Variants in ZEB2 observed in about 807,000 individuals in gnomAD.
ZEB2 encodes the protein zinc finger E-box binding homeobox 2, also known as zinc finger E-box-binding homeobox 2.
Under a neutral mutation model 99.9 loss-of-function variants are expected in ZEB2, and 6 were observed. That is an observed-to-expected ratio of 0.06 (90% CI 0.03 to 0.12). The LOEUF (loss-of-function observed/expected upper bound fraction) is 0.12, where lower values mean the gene tolerates loss of function less well. Among genes scored for constraint, ZEB2 ranks in the 10% least tolerant of loss-of-function variants. ZEB2 has a pLI of 1.00. For synonymous variants in ZEB2, 517 were observed against 542.5 expected (o/e 0.95, Z 0.65); for missense variants, 969 against 1,502.8 (o/e 0.64, Z 5.87).
Position 144,482,460 on chromosome 2 carries a change from A to C in ZEB2, c.73+34818T>G, listed in dbSNP as rs1194358915. Reference sequence around the variant, plus strand: ...TCTAACCATGTTAATTTCCTTTCTCATAATCCAAATGTGTTGAGCCTGTCG... The same window carrying C: ...TCTAACCATGTTAATTTCCTTTCTCCTAATCCAAATGTGTTGAGCCTGTCG... On this transcript the variant is annotated intron_variant, in intron 2 of 9. Coordinates refer to ENST00000627532, the MANE Select transcript of ZEB2 (RefSeq NM_014795.4). 3 of 152,136 alleles carry C rather than the reference A, an allele frequency of 2.0e-5. No individual in the cohort carries two copies. In the East Asian group the frequency reaches 5.8e-4, roughly 29 times the overall value. 9.4% of individuals were successfully genotyped at this position (152,136 alleles called of 1,614,324 possible). A position where few individuals can be genotyped will look rare whatever the true frequency, so the allele number is the denominator to read the frequency against.
At chr2:144,438,928 A>G (rs1361232165) in intron 2 of ZEB2, among the ~76,000 whole-genome samples, 1 of 152,146 alleles carries the variant, frequency 6.6e-6, no homozygotes, top group Non-Finnish European at 1.5e-5. Flanking sequence ...TGAAAGGGAC[A>G]GTGACATGGC....
intron 2 of ZEB2, among the ~76,000 whole-genome samples, chr2:144,457,482 T>G (rs887118372): frequency 6.6e-6 from 1 of 151,944 alleles, no homozygotes; most frequent in African/African-American, 2.4e-5. Context: ...TTTAACAGAG[T>G]ATGGTGGTGT....
intron 2 of ZEB2, among the ~76,000 whole-genome samples, chr2:144,471,847 A>G (rs1704360654): frequency 6.6e-6 from 1 of 151,634 alleles, no homozygotes; most frequent in Admixed American, 6.6e-5. Context: ...TTCAGTGCAC[A>G]GTGGATATAT....
intron 2 of ZEB2, among the ~76,000 whole-genome samples, chr2:144,458,147 C>A (rs1181387160): frequency 3.9e-5 from 6 of 151,944 alleles, no homozygotes; most frequent in African/African-American, 1.5e-4. Context: ...CATACACACA[C>A]AAACACACAC....
intron 2 of ZEB2, among the ~76,000 whole-genome samples, chr2:144,492,615 A>C (rs1276159726): frequency 2.6e-5 from 4 of 152,208 alleles, no homozygotes; most frequent in Non-Finnish European, 4.4e-5. Context: ...GAGCACCCAC[A>C]CTGCCTCTCT....
chr2:144,420,138 C>T (rs1286010388), intron 4 of ZEB2, among the ~76,000 whole-genome samples: 1 of 152,206 alleles, frequency 6.6e-6, no homozygotes, highest in African/African-American at 2.4e-5. Context: ...GCCATGTGTG[C>T]TCCCTGCTAT....
chr2:144,489,664 C>A (rs1293339765), intron 2 of ZEB2, among the ~76,000 whole-genome samples: 1 of 152,240 alleles, frequency 6.6e-6, no homozygotes. Flanking sequence ...GGGTAGCCAT[C>A]CGTTTCCTTT....
intron 4 of ZEB2, among the ~76,000 whole-genome samples, chr2:144,421,630 T>C (rs1309876676): frequency 6.6e-6 from 1 of 152,102 alleles, no homozygotes; most frequent in Non-Finnish European, 1.5e-5. Flanking sequence ...TTCTGAATGT[T>C]TAATTTTTTT....
chr2:144,517,164 G>C, intron 2 of ZEB2, 114 bp downstream of exon 2: 2 of 1,400,860 alleles, frequency 1.4e-6, no homozygotes, highest in Admixed American at 1.8e-5. Context: ...TCGCCCTAGA[G>C]CCCTGGGCGC....
intron 2 of ZEB2, among the ~76,000 whole-genome samples, chr2:144,498,315 T>C (rs1406819711): frequency 6.7e-6 from 1 of 150,094 alleles, no homozygotes; most frequent in Non-Finnish European, 1.5e-5. Flanking sequence ...CTCTAACCCT[T>C]GTGACCCCTT....
At chr2:144,405,893 ATAAG>A (rs1237682267) in intron 4 of ZEB2, among the ~76,000 whole-genome samples, 1 of 152,234 alleles carries the variant, frequency 6.6e-6, no homozygotes, top group East Asian at 1.9e-4. Context: ...TGTTTCTGAA[ATAAG>A]ATGTGGCTTA....
At chr2:144,492,679 T>C (rs1433140936) in intron 2 of ZEB2, among the ~76,000 whole-genome samples, 1 of 152,156 alleles carries the variant, frequency 6.6e-6, no homozygotes, top group African/African-American at 2.4e-5. Flanking sequence ...AGAGAGCCAG[T>C]TGATTTAAAT....
intron 2 of ZEB2, among the ~76,000 whole-genome samples, chr2:144,497,149 T>C (rs1034757820): frequency 1.3e-5 from 2 of 152,118 alleles, no homozygotes; most frequent in Non-Finnish European, 2.9e-5. Flanking sequence ...CCATGTTATA[T>C]GACAACAGTC....
At chr2:144,419,646 T>C (rs545906784) in intron 4 of ZEB2, among the ~76,000 whole-genome samples, 5 of 152,354 alleles carry the variant, frequency 3.3e-5, no homozygotes, top group Admixed American at 2.0e-4. Context: ...TCTTAGAAAA[T>C]GGTTCATTCA....
intron 2 of ZEB2, among the ~76,000 whole-genome samples, chr2:144,466,299 A>G (rs775808749): frequency 3.7e-4 from 57 of 152,306 alleles, no homozygotes; most frequent in Non-Finnish European, 6.2e-4. Flanking sequence ...CTAACGTCAG[A>G]GTTTCTTTTT....
intron 8 of ZEB2, chr2:144,398,072 A>G (rs1196131970): frequency 2.2e-6 from 1 of 461,944 alleles, no homozygotes; most frequent in East Asian, 4.8e-5. Context: ...CTCAAAATAA[A>G]TATTAATTTC....
At chr2:144,428,232 A>G (rs1209170147) in intron 3 of ZEB2, 2 of 152,168 alleles carry the variant, frequency 1.3e-5, no homozygotes, top group Admixed American at 1.3e-4. Context: ...ATGAATAGCT[A>G]ACACCAGCTC....
At chr2:144,391,520 A>C (rs1703154004) in intron 9 of ZEB2, among the ~76,000 whole-genome samples, 1 of 152,242 alleles carries the variant, frequency 6.6e-6, no homozygotes, top group African/African-American at 2.4e-5. Flanking sequence ...CTTTTGGAAA[A>C]GATGTTTTGA....
intron 6 of ZEB2, among the ~76,000 whole-genome samples, chr2:144,403,564 C>T (rs1166637726): frequency 1.3e-5 from 2 of 151,720 alleles, no homozygotes; most frequent in South Asian, 2.1e-4. Flanking sequence ...CTAAGTAAAG[C>T]GAGGTGAAAA....
Sources: gnomAD v4.1 joint callset for allele counts (sites outside exome capture counted in the v4.1 genomes callset) on GRCh38, gnomAD v4.1.1 for gene constraint, MANE v1.5 for transcripts, NCBI Gene and HGNC (gene_info 2026-07-23, HGNC 2026-07-21) for gene names.